IL2RB: variants seen among roughly 807,000 people sequenced by gnomAD.
IL2RB encodes the protein interleukin 2 receptor subunit beta, also known as interleukin-2 receptor subunit beta.
IL2RB carries 17 observed loss-of-function variants against 44.2 expected under a neutral mutation model. The observed-to-expected ratio is 0.38, with a 90% CI of 0.26 to 0.58. The LOEUF is 0.58. Among genes scored for constraint, IL2RB ranks in the 20% least tolerant of loss-of-function variants. The pLI, the probability that IL2RB is intolerant of heterozygous loss-of-function variation, is 0.63. For synonymous variants in IL2RB, 286 were observed against 297.9 expected (o/e 0.96, Z 0.41); for missense variants, 624 against 685.5 (o/e 0.91, Z 1.00).
upstream of IL2RB, among the ~76,000 whole-genome samples, chr22:37,153,527 C>T (rs897588615): frequency 6.6e-6 from 1 of 152,212 alleles, no homozygotes; most frequent in Admixed American, 6.5e-5. Context: ...TGCAGGCTTG[C>T]TGTAAGGGCC....
chr22:37,134,670 C>T (rs945056361), intron 8 of IL2RB, among the ~76,000 whole-genome samples: 2 of 152,228 alleles, frequency 1.3e-5, no homozygotes, highest in South Asian at 4.1e-4. Context: ...GCTTTGGTAT[C>T]TGTAGGGGGT....
At chr22:37,134,420 C>T (rs184028314) in intron 8 of IL2RB, among the ~76,000 whole-genome samples, 1 of 152,194 alleles carries the variant, frequency 6.6e-6, no homozygotes, top group Non-Finnish European at 1.5e-5. Context: ...GCTTGGCCAA[C>T]ATGGTGAAAC....
At position 37,144,160 on chromosome 22, in the gene IL2RB, C is replaced by T. The variant is rs867041691; in HGVS notation, c.13G>A (p.Ala5Thr). ...AGGAGGGGCAGACGCCAGGACAGAG[C>T]AGGGGCCGCCATTACATCCACAGGG... is the stretch of plus-strand genomic sequence containing the variant. MAAP[A>T]LSWRLPLLIL... Residue 5 changes from alanine to threonine, a missense_variant, in exon 2 of 10, where the codon GCT becomes ACT. Ala to Thr is a moderately conservative substitution (Grantham distance 58, BLOSUM62 0). This residue lies in a region of IL2RB where 78 missense variants were observed against 70.0 expected (regional missense o/e 1.11). Coordinates refer to ENST00000216223, the MANE Select transcript of IL2RB (RefSeq NM_000878.5). 15 of 1,551,050 alleles carry T rather than the reference C, an allele frequency of 9.7e-6. No individual in the cohort carries two copies. The highest frequency in any genetic ancestry group is 1.2e-5 in the Non-Finnish European group (14 of 1,146,822).
chr22:37,165,026 T>C (rs578213886), intron 1 of IL2RB, among the ~76,000 whole-genome samples: 3 of 152,264 alleles, frequency 2.0e-5, no homozygotes, highest in Non-Finnish European at 2.9e-5. Flanking sequence ...AACTCGAGTG[T>C]GCACAGAAGT....
chr22:37,142,521 G>A lies in IL2RB; in HGVS notation c.204-9C>T. ...AGGTTTGGTTCCACCGCCTTTCATGGCAAAAGACCCTCTTTAGAAGAACAG... is the reference window on the plus strand; with the variant it reads ...AGGTTTGGTTCCACCGCCTTTCATGACAAAAGACCCTCTTTAGAAGAACAG... On this transcript the variant is annotated splice_polypyrimidine_tract_variant and intron_variant, in intron 3 of 9. Coordinates refer to ENST00000216223, the MANE Select transcript of IL2RB (RefSeq NM_000878.5). The A allele has an allele frequency of 1.2e-6, 2 of 1,613,756 alleles. No homozygotes were observed. Among genetic ancestry groups the A allele is most frequent in the Non-Finnish European group, 8.5e-7 (1 of 1,179,662 alleles).
At chr22:37,162,357 T>G (rs1358549874) in intron 1 of IL2RB, among the ~76,000 whole-genome samples, 1 of 152,060 alleles carries the variant, frequency 6.6e-6, no homozygotes, top group Non-Finnish European at 1.5e-5. Flanking sequence ...AATGTACTGG[T>G]GGGGTAGGTG....
chr22:37,173,289 T>C (rs1005901268), intron 1 of IL2RB, among the ~76,000 whole-genome samples: 6 of 152,114 alleles, frequency 3.9e-5, no homozygotes, highest in Non-Finnish European at 7.4e-5. Flanking sequence ...CTGCTGTGAC[T>C]GTGTAATGTC....
At position 37,132,368 on chromosome 22, in the gene IL2RB, C is replaced by T. The variant is rs745363493; in HGVS notation, c.903+16G>A. 36 of 1,609,372 alleles carry T rather than the reference C, an allele frequency of 2.2e-5. No individual in the cohort carries two copies. The highest frequency in any genetic ancestry group is 6.7e-5 in the East Asian group (3 of 44,820). ...ACACCCCTGCCCACCTCTGTCTCCCCGCCCCGGCCTCCTACCTGGACGTCT... is the reference window on the plus strand; with the variant it reads ...ACACCCCTGCCCACCTCTGTCTCCCTGCCCCGGCCTCCTACCTGGACGTCT... On this transcript the variant is annotated intron_variant, in intron 9 of 9. Coordinates refer to ENST00000216223, the MANE Select transcript of IL2RB (RefSeq NM_000878.5).
chr22:37,133,767 C>T (rs1368955703), intron 8 of IL2RB, among the ~76,000 whole-genome samples: 1 of 152,230 alleles, frequency 6.6e-6, no homozygotes, highest in Non-Finnish European at 1.5e-5. Flanking sequence ...CAGCCTGAGG[C>T]CCCAGGAAGC....
At chr22:37,158,768 GCACTGAGC>G (rs1170275536) in intron 1 of IL2RB, among the ~76,000 whole-genome samples, 1 of 152,230 alleles carries the variant, frequency 6.6e-6, no homozygotes. Flanking sequence ...GCATCTACCT[GCACTGAGC>G]CACTCAGGCA....
chr22:37,149,170 G>C (rs1184644740), intron 1 of IL2RB, among the ~76,000 whole-genome samples: 2 of 152,142 alleles, frequency 1.3e-5, no homozygotes, highest in African/African-American at 4.8e-5. Context: ...ATGAGCTCCA[G>C]GCAGCCCCAA....
At chr22:37,143,389 G>A (rs1013855993) in intron 3 of IL2RB, 132 bp downstream of exon 3, 3 of 629,038 alleles carry the variant, frequency 4.8e-6, no homozygotes, top group Non-Finnish European at 8.4e-6. Flanking sequence ...CCCAACTCCT[G>A]TGATTCAAAA....
At chr22:37,154,416 G>A (rs1227275406), upstream of IL2RB, among the ~76,000 whole-genome samples, 5 of 152,110 alleles carry the variant, frequency 3.3e-5, no homozygotes, top group African/African-American at 9.7e-5. Context: ...GCATCAGCTC[G>A]GGTCTGCTTC....
intron 7 of IL2RB, 56 bp downstream of exon 7, chr22:37,136,172 C>G: frequency 6.5e-7 from 1 of 1,538,816 alleles, no homozygotes. Flanking sequence ...AGCAGCTCCT[C>G]CTCCAGCCGC....
intron 5 of IL2RB, 35 bp from the exon 6 acceptor site, chr22:37,137,770 C>T (rs1220497878): frequency 4.4e-6 from 7 of 1,587,468 alleles, no homozygotes; most frequent in Non-Finnish European, 6.0e-6. Context: ...GAGCAGTCAG[C>T]CATGACCTCC....
chr22:37,173,656 C>T (rs889768976), intron 1 of IL2RB, among the ~76,000 whole-genome samples: 2 of 152,184 alleles, frequency 1.3e-5, no homozygotes, highest in African/African-American at 4.8e-5. Context: ...AAAACTGAGG[C>T]ACAGAGAGTT....
At chr22:37,151,403 G>T (rs906210200), upstream of IL2RB, among the ~76,000 whole-genome samples, 2 of 152,120 alleles carry the variant, frequency 1.3e-5, no homozygotes, top group African/African-American at 2.4e-5. Flanking sequence ...CCCAATTTTT[G>T]ATGGGATTTC....
intron 9 of IL2RB, among the ~76,000 whole-genome samples, chr22:37,131,583 T>TACTAAC (rs1344897935): frequency 6.6e-6 from 1 of 152,166 alleles, no homozygotes; most frequent in Non-Finnish European, 1.5e-5. Context: ...GGAAGACTTG[T>TACTAAC]TAGTATCCAC....
intron 9 of IL2RB, among the ~76,000 whole-genome samples, chr22:37,130,391 G>C (rs1262137524): frequency 6.6e-6 from 1 of 152,190 alleles, no homozygotes; most frequent in African/African-American, 2.4e-5. Flanking sequence ...GGCTTCAGGA[G>C]ACACTCACGC....
Sources: gnomAD v4.1 joint callset for allele counts (sites outside exome capture counted in the v4.1 genomes callset) on GRCh38, gnomAD v4.1.1 for gene constraint, gnomAD v4.1.1 regional missense constraint, MANE v1.5 for transcripts, NCBI Gene and HGNC (gene_info 2026-07-23, HGNC 2026-07-21) for gene names.